HDAC4: variants seen among roughly 807,000 people sequenced by gnomAD.
The protein encoded by HDAC4 is histone deacetylase 4, also known as histone deacetylase A.
In HDAC4, 16 loss-of-function variants were observed where a neutral mutation model predicts 135.1. The observed-to-expected ratio is 0.12, with a 90% CI of 0.08 to 0.18. The LOEUF (loss-of-function observed/expected upper bound fraction) is 0.18, where lower values mean the gene tolerates loss of function less well. Ranked by LOEUF, HDAC4 falls within the 10% of genes least tolerant of loss-of-function variation. HDAC4 has a pLI of 1.00. For missense variants in HDAC4, 1,143 were observed against 1,511.8 expected (o/e 0.76, Z 4.05); for synonymous variants, 685 against 653.4 (o/e 1.05, Z -0.74).
intron 2 of HDAC4, among the ~76,000 whole-genome samples, chr2:239,253,925 GTGT>G (rs2048920464): frequency 6.6e-6 from 1 of 152,122 alleles, no homozygotes; most frequent in Admixed American, 6.5e-5. Context: ...CTGAGACCCT[GTGT>G]CCGGGCAGAA....
At chr2:239,095,188 C>G in intron 16 of HDAC4, 132 bp from the exon 17 acceptor site, 1 of 915,150 alleles carries the variant, frequency 1.1e-6, no homozygotes, top group Non-Finnish European at 1.8e-6. Context: ...ACTGCTCCCC[C>G]TTGTGACACC....
intron 9 of HDAC4, among the ~76,000 whole-genome samples, chr2:239,137,046 TG>T (rs1364980148): frequency 1.3e-5 from 2 of 151,602 alleles, no homozygotes; most frequent in East Asian, 3.9e-4. Flanking sequence ...TGTTATCATT[TG>T]GGAACAAAAT....
intron 2 of HDAC4, among the ~76,000 whole-genome samples, chr2:239,326,818 T>C (rs1346145593): frequency 6.6e-6 from 1 of 152,176 alleles, no homozygotes; most frequent in Non-Finnish European, 1.5e-5. Flanking sequence ...GCTTCTCTGG[T>C]CCGAGACCCC....
chr2:239,056,882 G>A (rs1440536526), intron 24 of HDAC4, among the ~76,000 whole-genome samples: 2 of 152,198 alleles, frequency 1.3e-5, no homozygotes, highest in African/African-American at 2.4e-5. Flanking sequence ...CCTCCCCAAA[G>A]CACAGAACCA....
intron 1 of HDAC4, among the ~76,000 whole-genome samples, chr2:239,359,582 G>A (rs1035859176): frequency 2.0e-5 from 3 of 152,206 alleles, no homozygotes. Context: ...GAGCTGGGGG[G>A]TGGGGGCTCC....
Position 239,352,795 on chromosome 2 carries a change from A to T in HDAC4, c.-96T>A. Reference sequence around the variant, plus strand: ...GAGCTCCAAACTCCCACCAACACATACAAGTACCGGGACGGTGAGGGCTGG... The same window carrying T: ...GAGCTCCAAACTCCCACCAACACATTCAAGTACCGGGACGGTGAGGGCTGG... On this transcript the variant is annotated 5_prime_UTR_variant, in exon 2 of 27. Transcript: ENST00000543185. The surrounding 1 kb of genome is among the most constrained non-coding windows in gnomAD (Gnocchi z 4.4). The T allele has an allele frequency of 1.7e-6, 2 of 1,205,300 alleles. No individual in the cohort carries two copies. The allele number at this position is 1,205,300 out of a possible 1,614,324, so 74.7% of individuals were successfully genotyped here. A position where few individuals can be genotyped will look rare whatever the true frequency, so the allele number is the denominator to read the frequency against.
In HDAC4 at chr2:239,308,596, G is replaced by A. The variant is rs778754541; in HGVS notation, c.22+44082C>T. On this transcript the variant is annotated intron_variant, in intron 2 of 26. Coordinates refer to ENST00000543185, the MANE Select transcript of HDAC4 (RefSeq NM_001378414.1). This position sits in a 1 kb window ranked among gnomAD's most constrained non-coding sequence, Gnocchi z 4.2. ...CCACACTTCGTATCCAGGTGAGCTC[G>A]TTTTTTGTATTTCAAAAGCACAAAG... 2.6e-5 allele frequency among the ~76,000 whole-genome samples: 4 copies of A among 152,164 alleles called. No individual in the cohort carries two copies. Among genetic ancestry groups the A allele is most frequent in the Non-Finnish European group, 5.9e-5 (4 of 68,032 alleles).
chr2:239,164,737 T>C (rs533349904), intron 5 of HDAC4, among the ~76,000 whole-genome samples: 49 of 152,230 alleles, frequency 3.2e-4, no homozygotes, highest in Non-Finnish European at 6.5e-4. Context: ...GAGTGAAGCA[T>C]GTTTACAAAA....
intron 16 of HDAC4, among the ~76,000 whole-genome samples, chr2:239,097,767 G>A (rs2037243182): frequency 6.6e-6 from 1 of 152,220 alleles, no homozygotes; most frequent in Non-Finnish European, 1.5e-5. Flanking sequence ...CCTGCTTGCT[G>A]CCCGTCGTCT....
intron 24 of HDAC4, among the ~76,000 whole-genome samples, chr2:239,066,403 TCA>T (rs1451196046): frequency 1.3e-5 from 2 of 152,180 alleles, no homozygotes; most frequent in African/African-American, 4.8e-5. Context: ...AAACCTCTGG[TCA>T]CAGTGTGCTC....
rs1011377507 is a variant in HDAC4 at position 239,094,501 on chromosome 2, T to C, written c.2280+509A>G. The C allele has an allele frequency of 1.1e-4, 114 of 1,014,682 alleles. 1 individual carries two copies. Among genetic ancestry groups the C allele is most frequent in the Middle Eastern group, 4.9e-4 (1 of 2,034 alleles). The allele number at this position is 1,014,682 out of a possible 1,614,324, so 62.9% of individuals were successfully genotyped here. The stretch of plus-strand genomic sequence containing the variant: ...GAAGCTGGCACAGACCAGTGATTCA[T>C]ATGCCCAGGCCAGGTCCATATCATC... On this transcript the variant is annotated intron_variant, in intron 17 of 26. Coordinates refer to ENST00000543185, the MANE Select transcript of HDAC4 (RefSeq NM_001378414.1).
At chr2:239,234,123 G>A (rs1201497393) in intron 3 of HDAC4, among the ~76,000 whole-genome samples, 3 of 152,186 alleles carry the variant, frequency 2.0e-5, no homozygotes, top group Non-Finnish European at 2.9e-5. Flanking sequence ...GAAAGAACAC[G>A]CTTCACATTA....
intron 14 of HDAC4, 72 bp downstream of exon 14, chr2:239,111,454 G>T (rs2152798706): frequency 6.9e-7 from 1 of 1,454,986 alleles, no homozygotes; most frequent in African/African-American, 1.4e-5. Context: ...AGCTGGGCCG[G>T]GAAGAGCCCC....
chr2:239,063,930 G>A (rs550712207), intron 24 of HDAC4, among the ~76,000 whole-genome samples: 1 of 152,044 alleles, frequency 6.6e-6, no homozygotes, highest in Non-Finnish European at 1.5e-5. Context: ...GAGGCTCAGC[G>A]CTGCCGGTCC....
chr2:239,335,196 C>A (rs1691849829), intron 2 of HDAC4, among the ~76,000 whole-genome samples: 2 of 151,944 alleles, frequency 1.3e-5, no homozygotes, highest in South Asian at 4.1e-4. Context: ...GCAAACAGAC[C>A]AATGAACTAG....
intron 2 of HDAC4, among the ~76,000 whole-genome samples, chr2:239,300,935 C>T (rs1246513504): frequency 6.6e-6 from 1 of 152,256 alleles, no homozygotes; most frequent in Non-Finnish European, 1.5e-5. Flanking sequence ...ATGTGGGACC[C>T]CTCCCTAGGG....
At chr2:239,106,798 G>A (rs1255452498) in intron 15 of HDAC4, among the ~76,000 whole-genome samples, 2 of 152,200 alleles carry the variant, frequency 1.3e-5, no homozygotes, top group Admixed American at 6.5e-5. Flanking sequence ...GAGACCAGAG[G>A]CCCTCCGTGC....
At chr2:239,216,199 T>TAC (rs72330284) in intron 3 of HDAC4, among the ~76,000 whole-genome samples, 12 of 119,396 alleles carry the variant, frequency 1.0e-4, no homozygotes, top group Admixed American at 3.3e-4. Context: ...TTTATATATA[T>TAC]ACACACACAC....
At chr2:239,060,882 G>A (rs111875093) in intron 24 of HDAC4, among the ~76,000 whole-genome samples, 132 of 152,344 alleles carry the variant, frequency 8.7e-4, no homozygotes, top group Middle Eastern at 3.4e-3. Flanking sequence ...AAGGGGGAGC[G>A]CTGAGATGTC....
Sources: gnomAD v4.1 joint callset for allele counts (sites outside exome capture counted in the v4.1 genomes callset) on GRCh38, gnomAD v4.1.1 for gene constraint, Gnocchi (gnomAD v3.1) non-coding constraint, MANE v1.5 for transcripts, NCBI Gene and HGNC (gene_info 2026-07-23, HGNC 2026-07-21) for gene names.